The following PTPRD variants were observed in gnomAD, a reference collection of about 807,000 sequenced individuals.
PTPRD encodes the protein protein tyrosine phosphatase receptor type D, also known as receptor-type tyrosine-protein phosphatase delta.
PTPRD carries 34 observed loss-of-function variants against 214.5 expected under a neutral mutation model. The ratio of observed to expected loss-of-function variants is 0.16; its 90% confidence interval spans 0.12 to 0.21. The LOEUF (loss-of-function observed/expected upper bound fraction) is 0.21, where lower values mean the gene tolerates loss of function less well. Among genes scored for constraint, PTPRD ranks in the 10% least tolerant of loss-of-function variants. The pLI is 1.00. For synonymous variants in PTPRD, 1,128 were observed against 845.7 expected, an observed-to-expected ratio of 1.33 and a Z score of -5.79; for missense variants, 2,545 against 2,398.7, an observed-to-expected ratio of 1.06 and a Z score of -1.27.
intron 3 of PTPRD, among the ~76,000 whole-genome samples, chr9:10,040,114 T>A (rs569050222): frequency 1.1e-4 from 17 of 152,088 alleles, no homozygotes; most frequent in African/African-American, 4.1e-4. Context: ...CAGTGTTTGG[T>A]AGGTAATACT....
chr9:8,429,280 T>G (rs2094893165), intron 35 of PTPRD, among the ~76,000 whole-genome samples: 1 of 152,162 alleles, frequency 6.6e-6, no homozygotes, highest in South Asian at 2.1e-4. Context: ...CAAGATGAAT[T>G]TGTGACCTGG....
Position 10,223,618 on chromosome 9 carries a change from C to G in PTPRD, c.-545+117345G>C, listed in dbSNP as rs570094155. ...GACGGAGGTTGCATTGAGCCAAGATCACAATCATGCCACTGCACTCCAGCT... is the reference window on the plus strand; with the variant it reads ...GACGGAGGTTGCATTGAGCCAAGATGACAATCATGCCACTGCACTCCAGCT... On this transcript the variant is annotated intron_variant, in intron 3 of 45. Coordinates refer to ENST00000381196, the MANE Select transcript of PTPRD (RefSeq NM_002839.4). Among the ~76,000 whole-genome samples the G allele has an allele frequency of 6.0e-5, 9 of 150,464 alleles. No individual in the cohort carries two copies. The East Asian group carries it at 1.8e-3, about 30-fold the overall frequency.
At chr9:10,285,370 G>C (rs1197062363) in intron 3 of PTPRD, among the ~76,000 whole-genome samples, 1 of 151,838 alleles carries the variant, frequency 6.6e-6, no homozygotes, top group Non-Finnish European at 1.5e-5. Flanking sequence ...ATTTTGTCGG[G>C]GTTCAGAACA....
chr9:9,728,514 A>T (rs1011215989), intron 7 of PTPRD, among the ~76,000 whole-genome samples: 9 of 152,308 alleles, frequency 5.9e-5, no homozygotes, highest in African/African-American at 2.2e-4. Context: ...GGATCCTAAA[A>T]AGTAAAAATG....
chr9:8,983,500 T>C (rs1003772037), intron 11 of PTPRD, among the ~76,000 whole-genome samples: 2 of 152,004 alleles, frequency 1.3e-5, no homozygotes, highest in South Asian at 2.1e-4. Context: ...ATTTATTTTA[T>C]ACATTTTCTT....
chr9:10,507,824 T>A (rs2046552839), intron 2 of PTPRD, among the ~76,000 whole-genome samples: 1 of 152,128 alleles, frequency 6.6e-6, no homozygotes, highest in African/African-American at 2.4e-5. Flanking sequence ...ACTTAAATGT[T>A]AGACCTAAAA....
intron 3 of PTPRD, among the ~76,000 whole-genome samples, chr9:10,172,392 T>C (rs904395852): frequency 6.6e-6 from 1 of 152,212 alleles, no homozygotes; most frequent in African/African-American, 2.4e-5. Flanking sequence ...TAACAAAATA[T>C]TACAATTATA....
Position 8,964,409 on chromosome 9 carries a change from G to C in PTPRD, c.-104+54288C>G, listed in dbSNP as rs542699133. Among the ~76,000 whole-genome samples the C allele has an allele frequency of 2.0e-5, 3 of 149,968 alleles. No homozygotes were observed. In the East Asian group the frequency reaches 5.8e-4, roughly 29 times the overall value. ...CTGTGGGATCAGTTGTAATGTCACT[G>C]TTGTTGTTTCTGATTGTGCTTATTT... is the stretch of plus-strand genomic sequence containing the variant. On this transcript the variant is annotated intron_variant, in intron 11 of 45. Transcript: ENST00000381196.
chr9:8,443,692 G>C (rs747742894), intron 34 of PTPRD, among the ~76,000 whole-genome samples: 1 of 152,142 alleles, frequency 6.6e-6, no homozygotes, highest in African/African-American at 2.4e-5. Context: ...TTTGGGCCAG[G>C]GAGGAGGTAT....
intron 5 of PTPRD, among the ~76,000 whole-genome samples, chr9:9,894,694 T>C (rs756843509): frequency 6.6e-6 from 1 of 152,110 alleles, no homozygotes; most frequent in Non-Finnish European, 1.5e-5. Context: ...ATTTGGGGGA[T>C]GAGCTAAATA....
At chr9:9,837,807 G>A (rs564219575) in intron 5 of PTPRD, among the ~76,000 whole-genome samples, 4 of 152,168 alleles carry the variant, frequency 2.6e-5, no homozygotes, top group South Asian at 2.1e-4. Flanking sequence ...TAGGGTACAT[G>A]TGCACAATGT....
At chr9:9,640,429 T>A (rs181785016) in intron 7 of PTPRD, among the ~76,000 whole-genome samples, 127 of 152,304 alleles carry the variant, frequency 8.3e-4, no homozygotes, top group African/African-American at 2.9e-3. Flanking sequence ...GACATTGTTT[T>A]CTTATCTCTA....
chr9:8,330,305 A>T (rs546668176), intron 44 of PTPRD, among the ~76,000 whole-genome samples: 4 of 152,100 alleles, frequency 2.6e-5, no homozygotes, highest in Non-Finnish European at 5.9e-5. Flanking sequence ...AGCTATTCCT[A>T]TTCAGCCATC....
chr9:9,399,614 A>G (rs573615201), intron 8 of PTPRD, among the ~76,000 whole-genome samples: 16 of 152,172 alleles, frequency 1.1e-4, no homozygotes, highest in African/African-American at 3.9e-4. Context: ...ATATTGTGGT[A>G]GAGATCCAGT....
At chr9:9,193,976 C>A (rs4268179) in intron 9 of PTPRD, among the ~76,000 whole-genome samples, 133,136 of 152,190 alleles carry the variant, frequency 0.87, 58,354 homozygotes, top group South Asian at 0.94. Context: ...AAACACAGAC[C>A]TATTGTACAG....
chr9:9,288,784 G>A (rs1415630036), intron 9 of PTPRD, among the ~76,000 whole-genome samples: 2 of 151,820 alleles, frequency 1.3e-5, no homozygotes, highest in Non-Finnish European at 2.9e-5. Flanking sequence ...GGACCCAGTG[G>A]GAGGTAATTT....
chr9:8,595,123 A>G (rs1003760876), intron 14 of PTPRD, among the ~76,000 whole-genome samples: 1 of 150,962 alleles, frequency 6.6e-6, no homozygotes, highest in African/African-American at 2.4e-5. Flanking sequence ...TCGGCCTCCC[A>G]AAGTGCTGGG....
chr9:10,516,448 G>C (rs2050143376), intron 2 of PTPRD, among the ~76,000 whole-genome samples: 1 of 151,828 alleles, frequency 6.6e-6, no homozygotes, highest in Non-Finnish European at 1.5e-5. Context: ...AGCTGTAGGA[G>C]TTCCTTATGT....
chr9:10,183,728 A>T (rs1428304016), intron 3 of PTPRD, among the ~76,000 whole-genome samples: 1 of 152,226 alleles, frequency 6.6e-6, no homozygotes, highest in Admixed American at 6.5e-5. Context: ...CACAAGAAAC[A>T]ATTGTAAAGT....
Sources: allele counts gnomAD v4.1 joint callset (sites outside exome capture counted in the v4.1 genomes callset), GRCh38; gene constraint gnomAD v4.1.1; transcripts MANE v1.5; gene names NCBI Gene and HGNC (gene_info 2026-07-23, HGNC 2026-07-21).